Variants in CPNE4 observed in about 807,000 individuals in gnomAD.
The protein encoded by CPNE4 is copine 4, also known as copine-4.
A neutral mutation model predicts 67.9 loss-of-function variants in CPNE4; 25 were observed. The ratio of observed to expected loss-of-function variants is 0.37; its 90% CI spans 0.27 to 0.51. The LOEUF is 0.51. CPNE4 is among the 20% of genes least tolerant of loss of function. The probability of loss-of-function intolerance (pLI) is 0.93; values close to 1 mark genes in which losing one functional copy is unlikely to be tolerated. For synonymous variants in CPNE4, 242 were observed against 244.9 expected (o/e 0.99, Z 0.11); for missense variants, 464 against 690.8 (o/e 0.67, Z 3.68).
At chr3:131,959,460 T>G (rs988463510) in intron 1 of CPNE4, among the ~76,000 whole-genome samples, 1 of 152,074 alleles carries the variant, frequency 6.6e-6, no homozygotes, top group Non-Finnish European at 1.5e-5. Flanking sequence ...TCAGAAAAGA[T>G]TATCACTCAC....
chr3:131,542,523 T>C (rs1442207527), intron 15 of CPNE4, 34 bp downstream of exon 15: 2 of 1,450,502 alleles, frequency 1.4e-6, no homozygotes, highest in Admixed American at 1.7e-5. Context: ...GTTCTGCTCT[T>C]CCATGAAAAG....
intron 2 of CPNE4, among the ~76,000 whole-genome samples, chr3:131,833,840 C>T (rs956306413): frequency 2.6e-5 from 4 of 152,286 alleles, no homozygotes; most frequent in Middle Eastern, 3.4e-3. Flanking sequence ...TTTCATGGTG[C>T]TTCCGTCTTC....
At chr3:131,676,221 G>C (rs1344931048) in intron 6 of CPNE4, among the ~76,000 whole-genome samples, 1 of 151,450 alleles carries the variant, frequency 6.6e-6, no homozygotes, top group African/African-American at 2.4e-5. Context: ...ACAATGCCTG[G>C]CTAATTTTTG....
At chr3:131,819,349 A>G (rs537262890) in intron 2 of CPNE4, among the ~76,000 whole-genome samples, 3 of 152,328 alleles carry the variant, frequency 2.0e-5, no homozygotes, top group South Asian at 4.1e-4. Flanking sequence ...GAACAATTTG[A>G]TCTCAATATA....
intron 2 of CPNE4, among the ~76,000 whole-genome samples, chr3:131,781,005 T>C (rs1488535969): frequency 1.3e-5 from 2 of 151,968 alleles, no homozygotes; most frequent in African/African-American, 4.8e-5. Context: ...TCATGAACCT[T>C]GGCCATGGTG....
intron 1 of CPNE4, among the ~76,000 whole-genome samples, chr3:131,949,224 T>C (rs1487626949): frequency 3.3e-5 from 5 of 152,190 alleles, no homozygotes; most frequent in Admixed American, 6.5e-5. Flanking sequence ...ACTTACCAAA[T>C]ACTTAGTTAT....
chr3:131,658,527 T>A (rs1355767624), intron 7 of CPNE4, among the ~76,000 whole-genome samples: 1 of 152,220 alleles, frequency 6.6e-6, no homozygotes, highest in Non-Finnish European at 1.5e-5. Context: ...TCGTTTCTTA[T>A]CAGGTCAGTC....
At chr3:131,568,217 T>C (rs1263459061) in intron 10 of CPNE4, among the ~76,000 whole-genome samples, 1 of 152,042 alleles carries the variant, frequency 6.6e-6, no homozygotes, top group Admixed American at 6.6e-5. Flanking sequence ...TTCTGGAAAG[T>C]AGTGGTTCCT....
At chr3:131,955,872 C>T (rs1266272501) in intron 1 of CPNE4, among the ~76,000 whole-genome samples, 1 of 152,068 alleles carries the variant, frequency 6.6e-6, no homozygotes, top group Non-Finnish European at 1.5e-5. Flanking sequence ...ATTTATACCC[C>T]TCGAAGTGTC....
chr3:131,576,424 TAC>T (rs1249093382), intron 9 of CPNE4, among the ~76,000 whole-genome samples: 1 of 152,168 alleles, frequency 6.6e-6, no homozygotes, highest in Non-Finnish European at 1.5e-5. Context: ...AAATTGTGTG[TAC>T]ACAGTCACCT....
chr3:131,699,609 C>G (rs1031600267), intron 4 of CPNE4, among the ~76,000 whole-genome samples: 2 of 152,238 alleles, frequency 1.3e-5, no homozygotes, highest in Non-Finnish European at 2.9e-5. Flanking sequence ...CTGTGCTCAA[C>G]AACTACATCT....
chr3:131,657,504 G>A (rs1299910911), intron 7 of CPNE4, among the ~76,000 whole-genome samples: 1 of 150,826 alleles, frequency 6.6e-6, no homozygotes, highest in East Asian at 1.9e-4. Context: ...CAGCTTTAAT[G>A]AGTACATGAA....
chr3:131,865,807 G>GC (rs2086920460), intron 2 of CPNE4, among the ~76,000 whole-genome samples: 1 of 152,196 alleles, frequency 6.6e-6, no homozygotes, highest in Non-Finnish European at 1.5e-5. Flanking sequence ...TTATTAAGGT[G>GC]TGCCTTTGAG....
intron 5 of CPNE4, among the ~76,000 whole-genome samples, chr3:131,694,130 C>A (rs951492656): frequency 1.3e-5 from 2 of 152,140 alleles, no homozygotes; most frequent in Non-Finnish European, 2.9e-5. Flanking sequence ...ATTTTTCCTA[C>A]ATATTCATAC....
chr3:131,725,636 G>A lies in CPNE4; in HGVS notation c.181-2011C>T, dbSNP rs187275660. The stretch of plus-strand genomic sequence containing the variant: ...TCAGCATAATTTTTCTGTTGTTCAG[G>A]GATAATAGTTTTGAATAATAGAAAT... On this transcript the variant is annotated intron_variant, in intron 2 of 15. Transcript: ENST00000429747. Among the ~76,000 whole-genome samples the A allele has an allele frequency of 4.1e-3, 619 of 152,204 alleles. 3 individuals carry two copies. The highest frequency in any genetic ancestry group is 0.014 in the African/African-American group (584 of 41,528).
chr3:131,701,718 T>C (rs961613411), intron 3 of CPNE4, among the ~76,000 whole-genome samples: 3 of 152,184 alleles, frequency 2.0e-5, no homozygotes, highest in Admixed American at 6.5e-5. Context: ...TGCAGCTTCA[T>C]GAGAAACCCT....
At chr3:131,654,383 T>G (rs967517454) in intron 7 of CPNE4, among the ~76,000 whole-genome samples, 2 of 152,108 alleles carry the variant, frequency 1.3e-5, no homozygotes, top group African/African-American at 4.8e-5. Flanking sequence ...TTTTTTTAAT[T>G]TTTTTCTGCT....
chr3:131,730,852 C>T (rs73220443), intron 2 of CPNE4, among the ~76,000 whole-genome samples: 18,561 of 152,134 alleles, frequency 0.12, 1,306 homozygotes, highest in East Asian at 0.26. Context: ...TGATCTTGGA[C>T]TTCTAGCCTC....
In CPNE4 at chr3:131,535,327, T is replaced by C. The variant is rs765129150; in HGVS notation, c.1542A>G (p.Ala514=). ...CGCTCTTTGCCAGGGCAGCTGGAGA[T>C]GCCTGCAGGGAAGAAGAAATCATCA... The part of the protein sequence containing the change: ...QFVPFRNFKH[A]SPAALAKSVL... The change falls in exon 16 of 16, where the codon GCA becomes GCG. Residue 514 remains alanine (A), a splice_region_variant and synonymous_variant. Coordinates refer to ENST00000429747, the MANE Select transcript of CPNE4 (RefSeq NM_130808.3). 2 of 1,612,736 alleles carry C rather than the reference T, an allele frequency of 1.2e-6. No homozygotes were observed. The highest frequency in any genetic ancestry group is 1.7e-4 in the Middle Eastern group (1 of 6,056).
Sources: gnomAD v4.1 joint callset for allele counts (sites outside exome capture counted in the v4.1 genomes callset) on GRCh38, gnomAD v4.1.1 for gene constraint, MANE v1.5 for transcripts, NCBI Gene and HGNC (gene_info 2026-07-23, HGNC 2026-07-21) for gene names.